The following LRRTM4 variants were observed in gnomAD, a reference collection of about 807,000 sequenced individuals.
LRRTM4 encodes the protein leucine-rich repeat transmembrane neuronal protein 4.
LRRTM4 carries 25 observed loss-of-function variants against 47.6 expected under a neutral mutation model. That is an observed-to-expected ratio of 0.53 (90% CI 0.38 to 0.73). LRRTM4 has a LOEUF of 0.73. Ranked by LOEUF, LRRTM4 falls within the 30% of genes least tolerant of loss-of-function variation. The pLI, the probability that LRRTM4 is intolerant of heterozygous loss-of-function variation, is 0.00. For synonymous variants in LRRTM4, 311 were observed against 269.5 expected (o/e 1.15, Z -1.51); for missense variants, 638 against 713.4 (o/e 0.89, Z 1.20).
intron 3 of LRRTM4, among the ~76,000 whole-genome samples, chr2:76,997,254 G>GAT (rs1198433097): frequency 6.6e-6 from 1 of 152,006 alleles, no homozygotes; most frequent in African/African-American, 2.4e-5. Context: ...TTTCAGTCCT[G>GAT]ATTTTTTTCT....
intron 3 of LRRTM4, among the ~76,000 whole-genome samples, chr2:76,903,278 T>G (rs1386475078): frequency 6.6e-6 from 1 of 152,160 alleles, no homozygotes; most frequent in African/African-American, 2.4e-5. Context: ...GGAGGACACC[T>G]GTAATCCCAG....
chr2:77,363,313 A>T (rs1046112155), intron 3 of LRRTM4, among the ~76,000 whole-genome samples: 3 of 152,224 alleles, frequency 2.0e-5, no homozygotes, highest in Non-Finnish European at 4.4e-5. Context: ...TTAAAAAGAA[A>T]AAAAGGAATA....
intron 3 of LRRTM4, among the ~76,000 whole-genome samples, chr2:77,295,244 C>T (rs1676937594): frequency 6.6e-6 from 1 of 152,118 alleles, no homozygotes. Flanking sequence ...ACAGTACCCT[C>T]TTATATTATA....
In LRRTM4 at chr2:76,811,991, A is replaced by G. The variant is rs558147951; in HGVS notation, c.1552-63075T>C. ...CCCTTTTCCATACTCCCATTATACT[A>G]AATATGTTTCCTAAGAATTGTATTT... On this transcript the variant is annotated intron_variant, in intron 3 of 3. Transcript: ENST00000409884. Among the ~76,000 whole-genome samples the G allele has an allele frequency of 6.6e-5, 10 of 152,286 alleles. No individual in the cohort carries two copies. In the South Asian group the frequency reaches 2.1e-3, roughly 32 times the overall value.
At chr2:77,480,831 GAGAGAGAGAGA>G (rs1558763587) in intron 3 of LRRTM4, among the ~76,000 whole-genome samples, 10 of 54,790 alleles carry the variant, frequency 1.8e-4, no homozygotes, top group Non-Finnish European at 2.2e-4. Flanking sequence ...TGGAGAGAGA[GAGAGAGAGAGA>G]GAGAGAGAGA....
intron 3 of LRRTM4, among the ~76,000 whole-genome samples, chr2:76,856,552 C>G (rs1157720512): frequency 6.6e-6 from 1 of 151,890 alleles, no homozygotes. Context: ...TTTAATCCTG[C>G]TTTGTGTTTA....
At chr2:77,374,340 G>A (rs1222983536) in intron 3 of LRRTM4, among the ~76,000 whole-genome samples, 1 of 151,786 alleles carries the variant, frequency 6.6e-6, no homozygotes, top group Non-Finnish European at 1.5e-5. Flanking sequence ...TTAGGCAGTG[G>A]ATTTCTCTCC....
chr2:76,911,941 G>A (rs868137198), intron 3 of LRRTM4, among the ~76,000 whole-genome samples: 3 of 139,776 alleles, frequency 2.1e-5, no homozygotes, highest in Non-Finnish European at 3.2e-5. Flanking sequence ...TTTTTGGGGG[G>A]GGGGGGGGGA....
At chr2:76,888,902 G>C (rs1673164184) in intron 3 of LRRTM4, among the ~76,000 whole-genome samples, 1 of 151,828 alleles carries the variant, frequency 6.6e-6, no homozygotes, top group Non-Finnish European at 1.5e-5. Context: ...AAAGCTGTGA[G>C]ACTAAATTAT....
chr2:77,471,563 T>C (rs1271872458), intron 3 of LRRTM4, among the ~76,000 whole-genome samples: 1 of 152,100 alleles, frequency 6.6e-6, no homozygotes, highest in South Asian at 2.1e-4. Flanking sequence ...ACCTCTCTGA[T>C]CCTCTCTCCT....
At chr2:76,937,158 G>T (rs944988735) in intron 3 of LRRTM4, among the ~76,000 whole-genome samples, 2 of 151,806 alleles carry the variant, frequency 1.3e-5, no homozygotes, top group African/African-American at 4.8e-5. Context: ...ACTCTAAAGA[G>T]AAAACATTAC....
At chr2:76,822,750 AG>A (rs1350719860) in intron 3 of LRRTM4, among the ~76,000 whole-genome samples, 1 of 151,508 alleles carries the variant, frequency 6.6e-6, no homozygotes, top group Non-Finnish European at 1.5e-5. Flanking sequence ...ATGTGGTGAA[AG>A]GAGGTTGTAC....
intron 3 of LRRTM4, among the ~76,000 whole-genome samples, chr2:76,968,381 T>TATATATATATATATAC (rs1553437943): frequency 8.6e-6 from 1 of 116,234 alleles, no homozygotes; most frequent in African/African-American, 3.3e-5. Flanking sequence ...TATATATATA[T>TATATATATATATATAC]ATACACATAC....
intron 3 of LRRTM4, among the ~76,000 whole-genome samples, chr2:76,970,584 C>A (rs1389929329): frequency 2.6e-5 from 4 of 152,034 alleles, no homozygotes; most frequent in Non-Finnish European, 1.5e-5. Context: ...ACCATAATAA[C>A]CCCTGAGAAA....
chr2:77,259,164 T>C (rs1449198272), intron 3 of LRRTM4, among the ~76,000 whole-genome samples: 1 of 152,050 alleles, frequency 6.6e-6, no homozygotes, highest in Non-Finnish European at 1.5e-5. Context: ...TAACAGAATA[T>C]ACTGAGTCAA....
chr2:77,428,911 A>T (rs1473921651), intron 3 of LRRTM4, among the ~76,000 whole-genome samples: 1 of 152,228 alleles, frequency 6.6e-6, no homozygotes, highest in African/African-American at 2.4e-5. Context: ...CTGCTTAACA[A>T]ATACCTATTG....
At chr2:76,807,936 T>C (rs1282029791) in intron 3 of LRRTM4, among the ~76,000 whole-genome samples, 1 of 141,036 alleles carries the variant, frequency 7.1e-6, no homozygotes, top group Non-Finnish European at 1.5e-5. Context: ...TCCTTTCCTT[T>C]CTTTCTTTCT....
At chr2:77,060,348 G>A (rs1477826827) in intron 3 of LRRTM4, among the ~76,000 whole-genome samples, 1 of 152,020 alleles carries the variant, frequency 6.6e-6, no homozygotes, top group Non-Finnish European at 1.5e-5. Context: ...ATATAAAGAT[G>A]CTATTGGCTT....
At chr2:76,810,006 T>A (rs1422533595) in intron 3 of LRRTM4, among the ~76,000 whole-genome samples, 1 of 152,228 alleles carries the variant, frequency 6.6e-6, no homozygotes, top group Non-Finnish European at 1.5e-5. Context: ...CATTCTGCTT[T>A]ACATTTCTTC....
Sources: gnomAD v4.1 joint callset for allele counts (sites outside exome capture counted in the v4.1 genomes callset) on GRCh38, gnomAD v4.1.1 for gene constraint, MANE v1.5 for transcripts, NCBI Gene and HGNC (gene_info 2026-07-23, HGNC 2026-07-21) for gene names.